The following TOM1L2 variants were observed in gnomAD, a reference collection of about 807,000 sequenced individuals.
TOM1L2 encodes TOM1-like protein 2.
Under a neutral mutation model 67.9 loss-of-function variants are expected in TOM1L2, and 31 were observed. That is an observed-to-expected ratio of 0.46 (90% CI 0.34 to 0.62). The LOEUF is 0.62. Ranked by LOEUF, TOM1L2 falls within the 20% of genes least tolerant of loss-of-function variation. The probability of loss-of-function intolerance (pLI) is 0.01; values close to 1 mark genes in which losing one functional copy is unlikely to be tolerated. For missense variants in TOM1L2, 606 were observed against 663.5 expected, an observed-to-expected ratio of 0.91 and a Z score of 0.95; for synonymous variants, 256 against 254.0, an observed-to-expected ratio of 1.01 and a Z score of -0.07.
rs957413911 is a variant in TOM1L2 at position 17,956,887 on chromosome 17, C to T, written c.52+15375G>A. 2.0e-5 allele frequency among the ~76,000 whole-genome samples: 3 copies of T among 152,344 alleles called. No homozygotes were observed. In the East Asian group the frequency reaches 5.8e-4, roughly 29 times the overall value. On this transcript the variant is annotated intron_variant, in intron 1 of 14. Transcript: ENST00000379504. ...TCCCTGCAAGCTGAGGGAGGCGGCT[C>T]CGGCCTCGGCCAGCCCAGGGAGGGG...
chr17:17,871,948 C>T (rs2037176267), intron 7 of TOM1L2: 7 of 983,150 alleles, frequency 7.1e-6, no homozygotes, highest in Non-Finnish European at 8.5e-6. Context: ...AAAGAGAAAA[C>T]TCCACAAAAT....
chr17:17,899,932 C>G (rs570824804), intron 2 of TOM1L2, among the ~76,000 whole-genome samples: 11 of 123,732 alleles, frequency 8.9e-5, no homozygotes, highest in African/African-American at 3.1e-4. Context: ...GAAACTGGGC[C>G]GGGCATGGTG....
At chr17:17,942,769 G>A (rs529111911) in intron 1 of TOM1L2, among the ~76,000 whole-genome samples, 3 of 152,240 alleles carry the variant, frequency 2.0e-5, no homozygotes, top group South Asian at 4.1e-4. Flanking sequence ...ACATCAGCAC[G>A]GTAGTTAGTA....
intron 7 of TOM1L2, among the ~76,000 whole-genome samples, 160 bp downstream of exon 7, chr17:17,879,467 C>T (rs1028728183): frequency 3.3e-5 from 5 of 151,998 alleles, no homozygotes; most frequent in Non-Finnish European, 7.4e-5. Flanking sequence ...TCTGCCTGTC[C>T]GTAGGCAACG....
At chr17:17,895,838 T>C (rs2038541897) in intron 3 of TOM1L2, among the ~76,000 whole-genome samples, 1 of 152,204 alleles carries the variant, frequency 6.6e-6, no homozygotes, top group Non-Finnish European at 1.5e-5. Context: ...CATCCCATTT[T>C]AGAGATGAGG....
intron 8 of TOM1L2, among the ~76,000 whole-genome samples, chr17:17,868,004 T>G (rs2036949826): frequency 1.3e-5 from 2 of 152,122 alleles, no homozygotes. Flanking sequence ...GCTTTGCCTC[T>G]GAATTATGTG....
intron 7 of TOM1L2, among the ~76,000 whole-genome samples, chr17:17,870,536 T>G (rs2037097874): frequency 1.3e-5 from 2 of 152,202 alleles, no homozygotes; most frequent in African/African-American, 2.4e-5. Flanking sequence ...CCCACCTACC[T>G]GGGCACTGGA....
At chr17:17,889,962 C>T (rs1440948163) in intron 4 of TOM1L2, among the ~76,000 whole-genome samples, 2 of 152,104 alleles carry the variant, frequency 1.3e-5, no homozygotes, top group Admixed American at 6.6e-5. Context: ...TCAGCCTAGC[C>T]GCATTGATAT....
chr17:17,888,595 T>C (rs560030638), intron 4 of TOM1L2, among the ~76,000 whole-genome samples: 1 of 152,308 alleles, frequency 6.6e-6, no homozygotes, highest in African/African-American at 2.4e-5. Context: ...GCTACCAGGC[T>C]CTGACGTCTT....
intron 6 of TOM1L2, among the ~76,000 whole-genome samples, chr17:17,880,108 C>G (rs141337186): frequency 1.3e-5 from 2 of 152,320 alleles, no homozygotes; most frequent in African/African-American, 4.8e-5. Flanking sequence ...CGTTCCTGCT[C>G]TTTAAAATCC....
At chr17:17,849,085 A>G (rs1220006765) in intron 13 of TOM1L2, 1 of 561,142 alleles carries the variant, frequency 1.8e-6, no homozygotes, top group East Asian at 3.1e-5. Flanking sequence ...AAATTCAAAC[A>G]TGTTTTAGGT....
At chr17:17,900,325 G>T (rs910248145) in intron 2 of TOM1L2, among the ~76,000 whole-genome samples, 8 of 151,920 alleles carry the variant, frequency 5.3e-5, no homozygotes, top group Non-Finnish European at 1.2e-4. Flanking sequence ...TTCAAGACCA[G>T]CCTGGCCAAC....
intron 1 of TOM1L2, among the ~76,000 whole-genome samples, chr17:17,925,574 G>A (rs2040047636): frequency 6.6e-6 from 1 of 151,476 alleles, no homozygotes; most frequent in Non-Finnish European, 1.5e-5. Context: ...AGGCGCAGTG[G>A]CTCATGCCTC....
chr17:17,899,473 A>C (rs2038740128), intron 2 of TOM1L2, among the ~76,000 whole-genome samples: 1 of 152,246 alleles, frequency 6.6e-6, no homozygotes, highest in African/African-American at 2.4e-5. Flanking sequence ...AGCTGTTTGG[A>C]AGTTGGAGTG....
At chr17:17,923,435 A>G (rs1044017293) in intron 1 of TOM1L2, among the ~76,000 whole-genome samples, 7 of 152,080 alleles carry the variant, frequency 4.6e-5, no homozygotes, top group African/African-American at 1.7e-4. Context: ...CAACAACAAC[A>G]ACAACAAACA....
At position 17,887,714 on chromosome 17, in the gene TOM1L2, G is replaced by T. The variant is rs1033165010; in HGVS notation, c.367-2946C>A. On this transcript the variant is annotated intron_variant, in intron 4 of 14. Transcript: ENST00000379504. Reference sequence around the variant, plus strand: ...TGGTCTTGAACTCCTGGACTCAAGGGATTCACCCACCTTGGCTTCCCAAAG... The same window carrying T: ...TGGTCTTGAACTCCTGGACTCAAGGTATTCACCCACCTTGGCTTCCCAAAG... Among the ~76,000 whole-genome samples, 20 of 152,274 alleles carry T rather than the reference G, an allele frequency of 1.3e-4. 1 individual carries two copies. The East Asian group carries it at 3.7e-3, about 28-fold the overall frequency.
intron 13 of TOM1L2, 138 bp downstream of exon 13, chr17:17,850,755 A>G (rs1568044181): frequency 1.1e-6 from 1 of 884,960 alleles, no homozygotes; most frequent in Non-Finnish European, 1.8e-6. Flanking sequence ...AGGGGCAGCT[A>G]TGGAGCTTGC....
chr17:17,877,545 G>A (rs759783053), intron 7 of TOM1L2, among the ~76,000 whole-genome samples: 11 of 152,182 alleles, frequency 7.2e-5, no homozygotes, highest in Non-Finnish European at 1.6e-4. Flanking sequence ...GACCCTGCCT[G>A]CTGGCTTTTG....
intron 12 of TOM1L2, among the ~76,000 whole-genome samples, chr17:17,854,310 A>T (rs983564601): frequency 2.6e-5 from 4 of 151,988 alleles, no homozygotes; most frequent in Non-Finnish European, 5.9e-5. Flanking sequence ...ATGGGAGGGA[A>T]GTGGGGCCCT....
Sources: allele counts gnomAD v4.1 joint callset (sites outside exome capture counted in the v4.1 genomes callset), GRCh38; gene constraint gnomAD v4.1.1; transcripts MANE v1.5; gene names NCBI Gene and HGNC (gene_info 2026-07-23, HGNC 2026-07-21).